Variants in LARGE1 observed in about 807,000 individuals in gnomAD.
The protein encoded by LARGE1 is LARGE xylosyl- and glucuronyltransferase 1.
A neutral mutation model predicts 87.6 loss-of-function variants in LARGE1; 43 were observed. That is an observed-to-expected ratio of 0.49 (90% CI 0.38 to 0.63). The LOEUF (loss-of-function observed/expected upper bound fraction) is 0.63. Among genes scored for constraint, LARGE1 ranks in the 30% least tolerant of loss-of-function variants. The pLI, the probability that LARGE1 is intolerant of heterozygous loss-of-function variation, is 0.00. For synonymous variants in LARGE1, 434 were observed against 394.6 expected, an observed-to-expected ratio of 1.10 and a Z score of -1.18; for missense variants, 802 against 1,000.2, an observed-to-expected ratio of 0.80 and a Z score of 2.67.
At chr22:33,320,620 C>G (rs1936617841) in intron 10 of LARGE1, among the ~76,000 whole-genome samples, 1 of 152,184 alleles carries the variant, frequency 6.6e-6, no homozygotes, top group South Asian at 2.1e-4. Flanking sequence ...TTGCTGTATA[C>G]AAAAAACCTG....
intron 2 of LARGE1, among the ~76,000 whole-genome samples, chr22:33,728,703 A>G (rs2083358237): frequency 1.3e-5 from 2 of 152,130 alleles, no homozygotes; most frequent in Non-Finnish European, 2.9e-5. Flanking sequence ...AGGATGCTAT[A>G]CTAGACTGGC....
chr22:33,466,135 A>G (rs889897413), intron 6 of LARGE1, among the ~76,000 whole-genome samples: 2 of 152,068 alleles, frequency 1.3e-5, no homozygotes, highest in African/African-American at 4.8e-5. Flanking sequence ...CACCCTTCCA[A>G]GACCACCAGC....
chr22:33,333,068 G>A (rs1321908957), intron 10 of LARGE1, among the ~76,000 whole-genome samples: 2 of 148,442 alleles, frequency 1.3e-5, no homozygotes, highest in African/African-American at 2.6e-5. Flanking sequence ...GTGCAGTGGC[G>A]TGATCTCGGC....
chr22:33,322,165 G>A (rs1936792125), intron 10 of LARGE1, among the ~76,000 whole-genome samples: 1 of 152,050 alleles, frequency 6.6e-6, no homozygotes, highest in Non-Finnish European at 1.5e-5. Flanking sequence ...CTTGAGTTGG[G>A]GAAAAAGACA....
intron 1 of LARGE1, among the ~76,000 whole-genome samples, chr22:33,897,707 C>T (rs2065181693): frequency 6.6e-6 from 1 of 152,108 alleles, no homozygotes; most frequent in Admixed American, 6.6e-5. Context: ...GACAAAGCTC[C>T]GTGTTGAAGG....
intron 6 of LARGE1, among the ~76,000 whole-genome samples, chr22:33,467,014 C>A (rs1256297781): frequency 6.6e-6 from 1 of 152,090 alleles, no homozygotes; most frequent in Non-Finnish European, 1.5e-5. Context: ...TGTACTCCAG[C>A]CTGGGTAACA....
intron 1 of LARGE1, among the ~76,000 whole-genome samples, chr22:33,886,675 G>GAAAAAAAAAAAAAAAAAAAAAAAA (rs1211215216): frequency 1.5e-5 from 1 of 64,758 alleles, no homozygotes; most frequent in African/African-American, 4.4e-5. Flanking sequence ...AAAAAAAAAA[G>GAAAAAAAAAAAAAAAAAAAAAAAA]AAAAAAAAAG....
intron 6 of LARGE1, among the ~76,000 whole-genome samples, chr22:33,515,984 C>T (rs769241633): frequency 3.9e-5 from 6 of 152,210 alleles, no homozygotes; most frequent in African/African-American, 9.6e-5. Context: ...GCAACGCCAC[C>T]GTGTCCAGGC....
intron 7 of LARGE1, among the ~76,000 whole-genome samples, chr22:33,408,377 A>C (rs1390202686): frequency 3.3e-5 from 5 of 152,206 alleles, no homozygotes; most frequent in Admixed American, 3.3e-4. Context: ...TAAGGATGAC[A>C]CTGGTCCGAG....
intron 5 of LARGE1, among the ~76,000 whole-genome samples, chr22:33,575,762 T>C (rs2078333831): frequency 6.6e-6 from 1 of 152,140 alleles, no homozygotes; most frequent in African/African-American, 2.4e-5. Flanking sequence ...TCCAGAATGA[T>C]GACAAAGGAG....
intron 6 of LARGE1, among the ~76,000 whole-genome samples, chr22:33,440,574 G>C (rs1023561473): frequency 2.0e-5 from 3 of 152,192 alleles, no homozygotes; most frequent in African/African-American, 7.2e-5. Context: ...TTTTAAAATA[G>C]AAAAGCATTT....
chr22:33,462,632 T>G (rs2068426643), intron 6 of LARGE1, among the ~76,000 whole-genome samples: 1 of 151,996 alleles, frequency 6.6e-6, no homozygotes, highest in Non-Finnish European at 1.5e-5. Context: ...AATACAAAAA[T>G]TAGCCGGGTG....
chr22:33,337,988 C>T (rs1938678744), intron 9 of LARGE1, among the ~76,000 whole-genome samples, 187 bp from the exon 10 acceptor site: 1 of 152,176 alleles, frequency 6.6e-6, no homozygotes, highest in South Asian at 2.1e-4. Flanking sequence ...GGATCAAACC[C>T]TGCCTCTGCT....
At chr22:33,658,223 C>A (rs757478286) in intron 2 of LARGE1, among the ~76,000 whole-genome samples, 2 of 152,138 alleles carry the variant, frequency 1.3e-5, no homozygotes, top group Non-Finnish European at 2.9e-5. Context: ...CAGGTCCCAA[C>A]CTAGATGAAT....
chr22:33,303,816 G>A (rs967876314), intron 12 of LARGE1, among the ~76,000 whole-genome samples: 1 of 151,128 alleles, frequency 6.6e-6, no homozygotes, highest in East Asian at 1.9e-4. Context: ...GTAGGGGGGG[G>A]GTTTCACCAT....
In LARGE1 at chr22:33,473,166, CTCTTT is replaced by C. The variant is rs140135299; in HGVS notation, c.788-40906_788-40902del. On this transcript the variant is annotated intron_variant, in intron 6 of 14. Transcript: ENST00000397394. ...ATACAACCTACACTTTTTCATATCT[CTCTTT>C]TTTTTTTTTTCTTTGAGATGGAGTT... Among the ~76,000 whole-genome samples, 5 of 151,656 alleles carry C rather than the reference CTCTTT, an allele frequency of 3.3e-5. No individual in the cohort carries two copies. The East Asian group carries it at 9.7e-4, about 29-fold the overall frequency.
intron 2 of LARGE1, chr22:33,743,060 C>T (rs1044551049): frequency 5.3e-5 from 8 of 152,040 alleles, no homozygotes; most frequent in South Asian, 2.1e-4. Context: ...GGCACCTCCC[C>T]GTATTCTCTC....
At chr22:33,676,110 C>T (rs2081569508) in intron 2 of LARGE1, among the ~76,000 whole-genome samples, 1 of 151,238 alleles carries the variant, frequency 6.6e-6, no homozygotes, top group African/African-American at 2.4e-5. Flanking sequence ...ATTTTAGTAA[C>T]AAAAGATATT....
At chr22:33,679,959 C>G (rs1325016643) in intron 2 of LARGE1, among the ~76,000 whole-genome samples, 1 of 152,222 alleles carries the variant, frequency 6.6e-6, no homozygotes, top group Non-Finnish European at 1.5e-5. Flanking sequence ...TTTTGGACTT[C>G]TAGCTTCCAC....
Sources: gnomAD v4.1 joint callset for allele counts (sites outside exome capture counted in the v4.1 genomes callset) on GRCh38, gnomAD v4.1.1 for gene constraint, MANE v1.5 for transcripts, NCBI Gene and HGNC (gene_info 2026-07-23, HGNC 2026-07-21) for gene names.